KCNIP4: variants seen among roughly 807,000 people sequenced by gnomAD.
KCNIP4 encodes potassium voltage-gated channel interacting protein 4, also known as Kv channel-interacting protein 4.
KCNIP4 carries 12 observed loss-of-function variants against 34.0 expected under a neutral mutation model. That is an observed-to-expected ratio of 0.35 (90% CI 0.23 to 0.57). The LOEUF is 0.57. Ranked by LOEUF, KCNIP4 falls within the 20% of genes least tolerant of loss-of-function variation. The pLI is 0.83. For synonymous variants in KCNIP4, 124 were observed against 102.2 expected, an observed-to-expected ratio of 1.21 and a Z score of -1.29; for missense variants, 238 against 311.7, an observed-to-expected ratio of 0.76 and a Z score of 1.78.
intron 3 of KCNIP4, among the ~76,000 whole-genome samples, chr4:20,837,757 C>A (rs1336040415): frequency 6.6e-6 from 1 of 150,540 alleles, no homozygotes; most frequent in Non-Finnish European, 1.5e-5. Flanking sequence ...ATCTTGCTCA[C>A]TGCAACCTCT....
At chr4:21,328,817 C>G (rs1463836677) in intron 1 of KCNIP4, among the ~76,000 whole-genome samples, 1 of 152,240 alleles carries the variant, frequency 6.6e-6, no homozygotes. Context: ...TCCTACTCTT[C>G]TCTGTCCTTT....
At chr4:21,408,967 C>T (rs1445265294) in intron 1 of KCNIP4, among the ~76,000 whole-genome samples, 1 of 152,076 alleles carries the variant, frequency 6.6e-6, no homozygotes. Context: ...CAACCACAGG[C>T]CCCATATTGC....
At chr4:21,409,947 G>A (rs2109584578) in intron 1 of KCNIP4, among the ~76,000 whole-genome samples, 1 of 152,292 alleles carries the variant, frequency 6.6e-6, no homozygotes, top group East Asian at 1.9e-4. Context: ...CAATGAGCAT[G>A]AGAAGAGTAG....
At position 20,780,092 on chromosome 4, in the gene KCNIP4, A is replaced by G. The variant is rs571381454; in HGVS notation, c.289-21202T>C. Reference sequence around the variant, plus strand: ...TGTTCAAGGGTATTTCAGGAAATCAACCATATAGTGCAGATTAGTATGGAA... The same window carrying G: ...TGTTCAAGGGTATTTCAGGAAATCAGCCATATAGTGCAGATTAGTATGGAA... On this transcript the variant is annotated intron_variant, in intron 3 of 8. Coordinates refer to ENST00000382152, the MANE Select transcript of KCNIP4 (RefSeq NM_025221.6). Among the ~76,000 whole-genome samples, 22 of 152,314 alleles carry G rather than the reference A, an allele frequency of 1.4e-4. No homozygotes were observed. The South Asian group carries it at 4.4e-3, about 30-fold the overall frequency.
intron 1 of KCNIP4, among the ~76,000 whole-genome samples, chr4:21,468,086 T>A (rs952688889): frequency 3.3e-4 from 50 of 152,142 alleles, no homozygotes; most frequent in African/African-American, 1.2e-3. Context: ...TGGAGAAATA[T>A]AGGGGTAGGT....
intron 1 of KCNIP4, among the ~76,000 whole-genome samples, chr4:21,026,161 A>C (rs532599889): frequency 1.9e-4 from 29 of 152,174 alleles, no homozygotes; most frequent in Non-Finnish European, 3.8e-4. Context: ...GACCAATGGG[A>C]GGTACCAGTA....
chr4:20,746,087 T>A (rs1245645181), intron 5 of KCNIP4, among the ~76,000 whole-genome samples: 1 of 152,186 alleles, frequency 6.6e-6, no homozygotes, highest in East Asian at 1.9e-4. Context: ...TGTATATGTA[T>A]TGCAGCACTA....
Position 21,186,098 on chromosome 4 carries a change from C to T in KCNIP4, c.62-303389G>A, listed in dbSNP as rs114567831. Among the ~76,000 whole-genome samples the T allele has an allele frequency of 1.0e-2, 1,518 of 152,256 alleles. 27 individuals carry two copies. Among genetic ancestry groups the T allele is most frequent in the African/African-American group, 0.035 (1,440 of 41,546 alleles). ...GTCTATTTCTATTTGACTTTCTGATCATGTGTCCACTTTTCCAAGCTTATA... is the reference window on the plus strand; with the variant it reads ...GTCTATTTCTATTTGACTTTCTGATTATGTGTCCACTTTTCCAAGCTTATA... On this transcript the variant is annotated intron_variant, in intron 1 of 8. Transcript: ENST00000382152.
intron 1 of KCNIP4, among the ~76,000 whole-genome samples, chr4:21,296,109 G>A (rs896169032): frequency 1.3e-5 from 2 of 152,116 alleles, no homozygotes; most frequent in African/African-American, 2.4e-5. Context: ...GTTCTCAATA[G>A]ATAATCTTAA....
At chr4:21,753,442 G>A (rs905124141) in intron 1 of KCNIP4, among the ~76,000 whole-genome samples, 2 of 152,170 alleles carry the variant, frequency 1.3e-5, no homozygotes, top group Non-Finnish European at 2.9e-5. Flanking sequence ...TGAGTTTTCA[G>A]ATCTCATGCC....
intron 1 of KCNIP4, among the ~76,000 whole-genome samples, chr4:21,129,953 A>G (rs1750935249): frequency 6.6e-6 from 1 of 152,032 alleles, no homozygotes; most frequent in African/African-American, 2.4e-5. Context: ...GACTTCTTAC[A>G]TACCATCCTC....
At chr4:21,555,540 T>C (rs1298734535) in intron 1 of KCNIP4, among the ~76,000 whole-genome samples, 1 of 152,066 alleles carries the variant, frequency 6.6e-6, no homozygotes, top group Non-Finnish European at 1.5e-5. Flanking sequence ...ACATCAAAGT[T>C]GAGCATGTGA....
At chr4:21,732,133 A>T (rs575016222) in intron 1 of KCNIP4, among the ~76,000 whole-genome samples, 2 of 152,068 alleles carry the variant, frequency 1.3e-5, no homozygotes, top group East Asian at 3.9e-4. Flanking sequence ...AATTTTTAAA[A>T]TATGTAAAAT....
chr4:20,930,399 T>TGCACTTATTTCTAC, intron 1 of KCNIP4, among the ~76,000 whole-genome samples: 2 of 152,058 alleles, frequency 1.3e-5, no homozygotes, highest in South Asian at 4.1e-4. Flanking sequence ...TGTGAAACCA[T>TGCACTTATTTCTAC]AAAACTCCTA....
At chr4:21,153,511 GTGTGTATATA>G (rs1305929842) in intron 1 of KCNIP4, among the ~76,000 whole-genome samples, 2 of 64,052 alleles carry the variant, frequency 3.1e-5, no homozygotes, top group African/African-American at 1.4e-4. Flanking sequence ...ATATATGTGT[GTGTGTATATA>G]TATATATATA....
At chr4:21,433,301 C>T (rs1422345322) in intron 1 of KCNIP4, among the ~76,000 whole-genome samples, 1 of 152,024 alleles carries the variant, frequency 6.6e-6, no homozygotes. Context: ...AGTCTGAGCC[C>T]AAGGACAAAA....
chr4:20,881,482 CTCTG>C (rs936005027), intron 2 of KCNIP4, among the ~76,000 whole-genome samples: 1 of 152,114 alleles, frequency 6.6e-6, no homozygotes, highest in African/African-American at 2.4e-5. Context: ...ACACCACCTT[CTCTG>C]TCTGATTCTA....
At chr4:21,377,253 C>A (rs28520752) in intron 1 of KCNIP4, among the ~76,000 whole-genome samples, 87,316 of 151,902 alleles carry the variant, frequency 0.57, 25,573 homozygotes, top group Non-Finnish European at 0.62. Context: ...CCATGGTAAC[C>A]CTGCTAGGGA....
intron 3 of KCNIP4, among the ~76,000 whole-genome samples, chr4:20,827,178 T>C (rs1200465939): frequency 6.6e-6 from 1 of 152,202 alleles, no homozygotes; most frequent in African/African-American, 2.4e-5. Flanking sequence ...GAAATTCAAC[T>C]ACTCTGAGAT....
Sources: allele counts gnomAD v4.1 joint callset (sites outside exome capture counted in the v4.1 genomes callset), GRCh38; gene constraint gnomAD v4.1.1; transcripts MANE v1.5; gene names NCBI Gene and HGNC (gene_info 2026-07-23, HGNC 2026-07-21).